The following PICALM variants were observed in gnomAD, a reference collection of about 807,000 sequenced individuals.
PICALM encodes phosphatidylinositol-binding clathrin assembly protein.
PICALM carries 40 observed loss-of-function variants against 80.5 expected under a neutral mutation model. The ratio of observed to expected loss-of-function variants is 0.50; its 90% CI spans 0.39 to 0.65. The LOEUF is 0.65. Ranked by LOEUF, PICALM falls within the 30% of genes least tolerant of loss-of-function variation. The probability of loss-of-function intolerance (pLI) is 0.00; values close to 1 mark genes in which losing one functional copy is unlikely to be tolerated. For missense variants in PICALM, 676 were observed against 778.9 expected (o/e 0.87, Z 1.57); for synonymous variants, 288 against 260.3 (o/e 1.11, Z -1.02).
At chr11:85,996,219 T>C (rs1176505067) in intron 12 of PICALM, among the ~76,000 whole-genome samples, 2 of 152,198 alleles carry the variant, frequency 1.3e-5, no homozygotes, top group African/African-American at 2.4e-5. Context: ...CTTATCTTGC[T>C]ATGAGAGATA....
Position 85,990,202 on chromosome 11 carries a change from T to C in PICALM, c.1408+48A>G, listed in dbSNP as rs771223712. On this transcript the variant is annotated intron_variant, in intron 13 of 19. Transcript: ENST00000393346. ...AATTAATGGACACGTAAAATATAGT[T>C]AGGCAGTATAAACATTGATTGGAAA... is the stretch of plus-strand genomic sequence containing the variant. 7.5e-6 allele frequency: 8 copies of C among 1,072,122 alleles called. No individual in the cohort carries two copies. The South Asian group carries it at 8.4e-5, about 11-fold the overall frequency. 66.4% of individuals were successfully genotyped at this position (1,072,122 alleles called of 1,614,324 possible).
chr11:86,029,719 AAAGAAG>A (rs1000336289), intron 2 of PICALM, among the ~76,000 whole-genome samples: 4 of 152,252 alleles, frequency 2.6e-5, no homozygotes, highest in Non-Finnish European at 4.4e-5. Context: ...TCAAATAAAT[AAAGAAG>A]AAGAAGAAAA....
At chr11:86,063,012 T>C (rs1331475767) in intron 1 of PICALM, among the ~76,000 whole-genome samples, 2 of 133,490 alleles carry the variant, frequency 1.5e-5, no homozygotes, top group Non-Finnish European at 3.5e-5. Flanking sequence ...TTATTTTTCT[T>C]ACTTCTTTAT....
In PICALM at chr11:85,983,913, T is replaced by G; in HGVS notation, c.1469A>C (p.Glu490Ala). ...HPSAGLNVDF[E>A]SVFGNKSTNV... ...TGTAGATTTATTTCCAAACACAGAT[T>G]CAAAGTCAACATTAAGGCCAGCTGA... Residue 490 changes from glutamate to alanine, a missense_variant, in exon 14 of 20, where the codon GAA (glutamate) becomes GCA (alanine). Physicochemically the swap from Glu to Ala is moderately radical, Grantham distance 107. Coordinates refer to ENST00000393346, the MANE Select transcript of PICALM (RefSeq NM_007166.4). 1 of 1,605,580 alleles carries G rather than the reference T, an allele frequency of 6.2e-7. No homozygotes were observed. The highest frequency in any genetic ancestry group is 2.2e-5 in the East Asian group (1 of 44,684).
chr11:86,052,054 G>A (rs543036996), intron 1 of PICALM, among the ~76,000 whole-genome samples: 1 of 152,208 alleles, frequency 6.6e-6, no homozygotes, highest in African/African-American at 2.4e-5. Context: ...AACTGAAACG[G>A]TTTGGCTCTG....
At chr11:85,964,748 C>T (rs2093817616) in intron 19 of PICALM, among the ~76,000 whole-genome samples, 1 of 152,160 alleles carries the variant, frequency 6.6e-6, no homozygotes. Context: ...CTGTATTACA[C>T]TCACCTTTAG....
At chr11:86,015,195 T>C (rs997196724) in intron 4 of PICALM, among the ~76,000 whole-genome samples, 1 of 152,038 alleles carries the variant, frequency 6.6e-6, no homozygotes, top group African/African-American at 2.4e-5. Flanking sequence ...AAAAAGAACA[T>C]AAAGCATGAG....
chr11:85,995,816 C>T (rs1345874337), intron 12 of PICALM, among the ~76,000 whole-genome samples: 4 of 152,128 alleles, frequency 2.6e-5, no homozygotes, highest in African/African-American at 9.7e-5. Flanking sequence ...AATTTACTAT[C>T]TATAGTTCAT....
chr11:85,959,394 G>T (rs1039131275), intron 19 of PICALM, among the ~76,000 whole-genome samples: 1 of 152,120 alleles, frequency 6.6e-6, no homozygotes, highest in Admixed American at 6.5e-5. Flanking sequence ...CTGGGAGGCT[G>T]AGGTGGGCAG....
At chr11:86,023,888 G>A (rs912154815) in intron 3 of PICALM, among the ~76,000 whole-genome samples, 3 of 152,178 alleles carry the variant, frequency 2.0e-5, no homozygotes, top group African/African-American at 7.2e-5. Flanking sequence ...AGCACTTTGG[G>A]AGGCTTAGGA....
At position 85,957,657 on chromosome 11, in the gene PICALM, T is replaced by TC. The variant is rs1380656902; in HGVS notation, c.*1388dup. 1.0e-5 allele frequency: 2 copies of TC among 197,484 alleles called. No homozygotes were observed. The highest frequency in any genetic ancestry group is 2.1e-5 in the Non-Finnish European group (2 of 95,172). The allele number at this position is 197,484 out of a possible 1,614,324, so 12.2% of individuals were successfully genotyped here. A position where few individuals can be genotyped will look rare whatever the true frequency, so the allele number is the denominator to read the frequency against. ...AAGAGAAAGGAAAAATGAAAATGCATCTCAGACCAGAATACCATAACAAAA... is the reference window on the plus strand; with the variant it reads ...AAGAGAAAGGAAAAATGAAAATGCATCCTCAGACCAGAATACCATAACAAAA... On this transcript the variant is annotated 3_prime_UTR_variant, in exon 20 of 20. Coordinates refer to ENST00000393346, the MANE Select transcript of PICALM (RefSeq NM_007166.4).
Position 86,000,789 on chromosome 11 carries a change from A to C in PICALM, c.1018-10T>G, listed in dbSNP as rs908032366. ...CTTTTAGGCGCTGTTCCTGTTAAGA[A>C]AGGGAACTACCATAAGGATTCCAGA... On this transcript the variant is annotated splice_polypyrimidine_tract_variant and intron_variant, in intron 10 of 19. Coordinates refer to ENST00000393346, the MANE Select transcript of PICALM (RefSeq NM_007166.4). 6.2e-7 allele frequency: 1 copy of C among 1,611,616 alleles called. No individual in the cohort carries two copies. Among genetic ancestry groups the C allele is most frequent in the African/African-American group, 1.3e-5 (1 of 74,772 alleles).
chr11:85,994,400 T>C (rs1217560131), intron 12 of PICALM, among the ~76,000 whole-genome samples: 2 of 152,208 alleles, frequency 1.3e-5, no homozygotes, highest in African/African-American at 2.4e-5. Flanking sequence ...GTCTTTCATA[T>C]ATACATATAA....
chr11:85,978,809 G>A (rs944867949), intron 17 of PICALM: 1 of 152,032 alleles, frequency 6.6e-6, no homozygotes, highest in African/African-American at 2.4e-5. Context: ...TGCTATCTAT[G>A]AACTCCTAAT....
intron 17 of PICALM, 150 bp downstream of exon 17, chr11:85,980,979 C>A (rs983263108): frequency 3.7e-6 from 2 of 546,986 alleles, no homozygotes; most frequent in African/African-American, 3.8e-5. Flanking sequence ...ATATAGGCAA[C>A]CAGCTTCCTT....
chr11:86,055,001 A>T (rs1565575821), intron 1 of PICALM, among the ~76,000 whole-genome samples: 1 of 152,030 alleles, frequency 6.6e-6, no homozygotes, highest in Admixed American at 6.6e-5. Flanking sequence ...AAAAAATATG[A>T]TTTTTTTTAA....
chr11:85,974,563 A>G (rs2094213534), intron 19 of PICALM, 145 bp downstream of exon 19: 1 of 725,750 alleles, frequency 1.4e-6, no homozygotes, highest in Non-Finnish European at 2.5e-6. Context: ...AAGCTCTTAT[A>G]TAAGAAAGAT....
rs1173878555 is a variant in PICALM at position 85,996,907 on chromosome 11, G to A, written c.1177C>T (p.Leu393=). 5 of 1,612,194 alleles carry A rather than the reference G, an allele frequency of 3.1e-6. No individual in the cohort carries two copies. The South Asian group carries it at 5.5e-5, about 18-fold the overall frequency. Reference sequence around the variant, plus strand: ...AAAGTTGGCTGCTGCAAATCAAGCAGATCATTGGGCAGCTTTGATGTGCTA... The same window carrying A: ...AAAGTTGGCTGCTGCAAATCAAGCAAATCATTGGGCAGCTTTGATGTGCTA... ...SNSTSKLPND[L]LDLQQPTFHP... The change falls in exon 12 of 20, where the codon CTG becomes TTG. Residue 393 remains leucine (L), a synonymous_variant. Coordinates refer to ENST00000393346, the MANE Select transcript of PICALM (RefSeq NM_007166.4).
At chr11:86,013,502 G>C (rs1452870376) in intron 5 of PICALM, among the ~76,000 whole-genome samples, 1 of 151,990 alleles carries the variant, frequency 6.6e-6, no homozygotes, top group Non-Finnish European at 1.5e-5. Flanking sequence ...CACACACACA[G>C]AGGGAGAGAC....
Sources: allele counts gnomAD v4.1 joint callset (sites outside exome capture counted in the v4.1 genomes callset), GRCh38; gene constraint gnomAD v4.1.1; transcripts MANE v1.5; gene names NCBI Gene and HGNC (gene_info 2026-07-23, HGNC 2026-07-21).